COL1A2: variants seen among roughly 807,000 people sequenced by gnomAD.
COL1A2 encodes collagen type I alpha 2 chain.
COL1A2 carries 49 observed loss-of-function variants against 174.3 expected under a neutral mutation model. The ratio of observed to expected loss-of-function variants is 0.28; its 90% CI spans 0.22 to 0.36. The LOEUF (loss-of-function observed/expected upper bound fraction) is 0.36. Ranked by LOEUF, COL1A2 falls within the 10% of genes least tolerant of loss-of-function variation. The pLI, the probability that COL1A2 is intolerant of heterozygous loss-of-function variation, is 1.00. For missense variants in COL1A2, 1,438 were observed against 1,822.7 expected (o/e 0.79, Z 3.84); for synonymous variants, 655 against 606.6 (o/e 1.08, Z -1.17).
At chr7:94,418,878 TAAA>T (rs1423841670) in intron 33 of COL1A2, among the ~76,000 whole-genome samples, 1 of 151,514 alleles carries the variant, frequency 6.6e-6, no homozygotes, top group African/African-American at 2.4e-5. Context: ...GAGATTAAAA[TAAA>T]TAAATAAATA....
chr7:94,427,439 G>A, intron 48 of COL1A2, 144 bp downstream of exon 48: 8 of 1,042,890 alleles, frequency 7.7e-6, no homozygotes, highest in Non-Finnish European at 1.0e-5. Flanking sequence ...TTGTCTATAT[G>A]CAATGGGCTT....
At chr7:94,424,105 T>C in intron 40 of COL1A2, 1 of 504,346 alleles carries the variant, frequency 2.0e-6, no homozygotes, top group East Asian at 3.7e-5. Context: ...ACCACATATT[T>C]TTAAATGTTG....
At position 94,405,622 on chromosome 7, in the gene COL1A2, T is replaced by C. The variant is rs187138175; in HGVS notation, c.487-51T>C. ...ACTTTGGAGGGAAGAAGTCACTGTC[T>C]TTTTATTTATGGTAAAACATTATTC... is the stretch of plus-strand genomic sequence containing the variant. On this transcript the variant is annotated intron_variant, in intron 10 of 51. Transcript: ENST00000297268. 309 of 1,516,812 alleles carry C rather than the reference T, an allele frequency of 2.0e-4. No individual in the cohort carries two copies. The African/African-American group carries it at 3.9e-3, about 19-fold the overall frequency. The allele number at this position is 1,516,812 out of a possible 1,614,324, so 94.0% of individuals were successfully genotyped here. A position where few individuals can be genotyped will look rare whatever the true frequency, so the allele number is the denominator to read the frequency against.
chr7:94,420,540 G>A lies in COL1A2; in HGVS notation c.2188-1G>A, dbSNP rs746443264. ...GAGCTGTAACTGTTTATTTCCAACA[G>A]GGTGCTGCTGGTCAACCTGGTGCTA... On this transcript the variant is annotated splice_acceptor_variant, in intron 36 of 51. Transcript: ENST00000297268. LOFTEE classifies it high-confidence loss of function. 2 of 1,614,044 alleles carry A rather than the reference G, an allele frequency of 1.2e-6. No homozygotes were observed. The highest frequency in any genetic ancestry group is 2.2e-5 in the East Asian group (1 of 44,862).
At chr7:94,398,241 A>G (rs1431944580) in intron 2 of COL1A2, 141 bp from the exon 3 acceptor site, 11 of 317,842 alleles carry the variant, frequency 3.5e-5, no homozygotes, top group Non-Finnish European at 5.8e-5. Flanking sequence ...TTGTAGTTTG[A>G]AATATTAAAC....
At chr7:94,407,282 T>A (rs1791822918) in intron 12 of COL1A2, among the ~76,000 whole-genome samples, 1 of 152,160 alleles carries the variant, frequency 6.6e-6, no homozygotes, top group Non-Finnish European at 1.5e-5. Flanking sequence ...ATATTTCCCC[T>A]ATATCTAAAT....
chr7:94,423,291 A>G lies in COL1A2; in HGVS notation c.2565+173A>G, dbSNP rs62464629. On this transcript the variant is annotated intron_variant, in intron 40 of 51. Coordinates refer to ENST00000297268, the MANE Select transcript of COL1A2 (RefSeq NM_000089.4). ...ACACTGAGGGGCTGTGGCTTCCAAG[A>G]TGCTCAGAAAGCACAAAATCGGGAA... 0.13 allele frequency: 91,424 copies of G among 727,918 alleles called. 6,455 individuals carry two copies. The highest frequency in any genetic ancestry group is 0.17 in the South Asian group (10,282 of 59,396). The allele number at this position is 727,918 out of a possible 1,614,324, so 45.1% of individuals were successfully genotyped here. A position where few individuals can be genotyped will look rare whatever the true frequency, so the allele number is the denominator to read the frequency against.
At chr7:94,427,377 C>A in intron 48 of COL1A2, 82 bp downstream of exon 48, 1 of 1,341,640 alleles carries the variant, frequency 7.5e-7, no homozygotes, top group Non-Finnish European at 1.0e-6. Flanking sequence ...ACAACTTTGA[C>A]AACCCATTAA....
chr7:94,414,567 T>TAC (rs1791998045), intron 29 of COL1A2, among the ~76,000 whole-genome samples: 1 of 152,236 alleles, frequency 6.6e-6, no homozygotes. Flanking sequence ...AACGTTAAGA[T>TAC]ACAAATTATT....
intron 33 of COL1A2, 175 bp from the exon 34 acceptor site, chr7:94,419,323 G>A: frequency 2.9e-6 from 2 of 700,014 alleles, no homozygotes; most frequent in Admixed American, 2.2e-5. Context: ...TCTGAGAGTG[G>A]CTTCTAATAG....
At chr7:94,408,852 CT>C (rs1314906555) in intron 16 of COL1A2, 29 bp downstream of exon 16, 1 of 1,596,268 alleles carries the variant, frequency 6.3e-7, no homozygotes, top group Non-Finnish European at 8.6e-7. Context: ...ATTGTCACTA[CT>C]TTGATAAACT....
At position 94,426,037 on chromosome 7, in the gene COL1A2, C is replaced by T. The variant is rs1356775867; in HGVS notation, c.2983C>T (p.Pro995Ser). 2.5e-6 allele frequency: 4 copies of T among 1,613,866 alleles called. No individual in the cohort carries two copies. Among genetic ancestry groups the T allele is most frequent in the East Asian group, 2.2e-5 (1 of 44,866 alleles). The change falls in exon 45 of 52, where the codon CCA becomes TCA. Residue 995 changes from proline (P) to serine (S), a missense_variant. Around this residue, in one of 3 missense-constraint regions of COL1A2, gnomAD observed 867 missense variants for 1,213.7 expected, o/e 0.71. Coordinates refer to ENST00000297268, the MANE Select transcript of COL1A2 (RefSeq NM_000089.4). ...TGTTGGTCCTGCTGGTGCTGTTGGC[C>T]CAAGAGGTCCTAGTGTATGTACATG... The part of the protein sequence containing the change: ...GPVGPAGAVG[P>S]RGPSGPQGIR...
In COL1A2 at chr7:94,427,052, T is replaced by C; in HGVS notation, c.3150T>C (p.Ala1050=). Residue 1050 remains alanine, a synonymous_variant, in exon 47 of 52, where the codon GCT becomes GCC. Transcript: ENST00000297268. ...DQGAPGSVGP[A]GPRGPAGPSG... The stretch of plus-strand genomic sequence containing the variant: ...GTGCTCCTGGCTCCGTGGGTCCTGC[T>C]GGTCCTAGGGTAGGTGGACTCAAGA... 6.2e-7 allele frequency: 1 copy of C among 1,614,112 alleles called. No homozygotes were observed. Among genetic ancestry groups the C allele is most frequent in the South Asian group, 1.1e-5 (1 of 91,076 alleles).
At chr7:94,408,051 T>A in intron 13 of COL1A2, 132 bp from the exon 14 acceptor site, 1 of 1,215,848 alleles carries the variant, frequency 8.2e-7, no homozygotes, top group Non-Finnish European at 1.2e-6. Context: ...TACTGTTTAG[T>A]TGGAATTAGA....
At chr7:94,402,793 G>A (rs440751) in intron 6 of COL1A2, among the ~76,000 whole-genome samples, 23,321 of 151,942 alleles carry the variant, frequency 0.15, 2,150 homozygotes, top group Admixed American at 0.29. Context: ...ATTTTACCTG[G>A]GCAGTGCACT....
intron 12 of COL1A2, among the ~76,000 whole-genome samples, chr7:94,406,714 T>A (rs995208204): frequency 2.0e-5 from 3 of 152,168 alleles, no homozygotes; most frequent in African/African-American, 4.8e-5. Context: ...CGCTATACAC[T>A]TTTCAACCTC....
intron 31 of COL1A2, 132 bp from the exon 32 acceptor site, chr7:94,417,592 C>T: frequency 1.3e-6 from 1 of 750,286 alleles, no homozygotes; most frequent in Non-Finnish European, 2.3e-6. Flanking sequence ...TTCAATAGCC[C>T]AGCCTTCTTT....
intron 23 of COL1A2, 98 bp from the exon 24 acceptor site, chr7:94,411,970 G>A (rs968402681): frequency 5.1e-6 from 5 of 974,104 alleles, no homozygotes; most frequent in African/African-American, 4.9e-5. Flanking sequence ...CAAACAAAAA[G>A]TCGGGGGAAA....
intron 43 of COL1A2, 42 bp downstream of exon 43, chr7:94,425,705 A>AAT (rs1389803629): frequency 1.2e-6 from 2 of 1,614,074 alleles, no homozygotes; most frequent in Admixed American, 3.3e-5. Context: ...AAAGTGATTA[A>AAT]AATGCAACCC....
Sources: allele counts gnomAD v4.1 joint callset (sites outside exome capture counted in the v4.1 genomes callset), GRCh38; gene constraint gnomAD v4.1.1; regional missense constraint gnomAD v4.1.1; transcripts MANE v1.5; gene names NCBI Gene and HGNC (gene_info 2026-07-23, HGNC 2026-07-21).